The following PTPRT variants were observed in gnomAD, a reference collection of about 807,000 sequenced individuals.
PTPRT encodes the protein protein tyrosine phosphatase receptor type T.
In PTPRT, 56 loss-of-function variants were observed where a neutral mutation model predicts 176.8. The ratio of observed to expected loss-of-function variants is 0.32; its 90% CI spans 0.26 to 0.40. The LOEUF (loss-of-function observed/expected upper bound fraction) is 0.40. PTPRT is among the 10% of genes least tolerant of loss of function. The pLI is 1.00. For missense variants in PTPRT, 1,540 were observed against 1,908.2 expected (o/e 0.81, Z 3.60); for synonymous variants, 783 against 739.0 (o/e 1.06, Z -0.96).
At chr20:42,766,728 G>T (rs1378504431) in intron 5 of PTPRT, among the ~76,000 whole-genome samples, 3 of 152,128 alleles carry the variant, frequency 2.0e-5, no homozygotes, top group Non-Finnish European at 4.4e-5. Context: ...TCTAACCACT[G>T]CCAGAAAGAA....
chr20:42,232,195 T>C (rs1394260323), intron 15 of PTPRT, among the ~76,000 whole-genome samples: 2 of 152,202 alleles, frequency 1.3e-5, no homozygotes, highest in East Asian at 3.9e-4. Flanking sequence ...ACTGATTTCA[T>C]TGAAGAGACT....
intron 8 of PTPRT, among the ~76,000 whole-genome samples, chr20:42,456,831 A>G (rs1044904874): frequency 1.3e-5 from 2 of 152,124 alleles, no homozygotes; most frequent in African/African-American, 4.8e-5. Flanking sequence ...TGAAGGGGGA[A>G]GTGCTTCTTC....
chr20:42,662,438 C>G (rs2075239990), intron 7 of PTPRT, among the ~76,000 whole-genome samples: 1 of 152,116 alleles, frequency 6.6e-6, no homozygotes, highest in African/African-American at 2.4e-5. Context: ...TGGAGCAAAA[C>G]ACTAAATCTC....
intron 7 of PTPRT, among the ~76,000 whole-genome samples, chr20:42,646,155 A>T (rs960115014): frequency 1.5e-5 from 2 of 137,248 alleles, no homozygotes; most frequent in African/African-American, 5.3e-5. Flanking sequence ...TGCTCCAGGC[A>T]ATGCCCTCAA....
chr20:42,153,166 T>C (rs1423072247), intron 17 of PTPRT, among the ~76,000 whole-genome samples: 1 of 152,262 alleles, frequency 6.6e-6, no homozygotes, highest in East Asian at 1.9e-4. Context: ...TTACATGGTG[T>C]GGCAAGACCA....
chr20:42,602,261 G>A lies in PTPRT; in HGVS notation c.1153+75605C>T, dbSNP rs77996089. ...CAGCACATCACCACTTTCCTGCAAA[G>A]TCACAGGCAACAGAGAAACTCCTAA... On this transcript the variant is annotated intron_variant, in intron 7 of 30. Transcript: ENST00000373187. Among the ~76,000 whole-genome samples the A allele has an allele frequency of 3.9e-3, 589 of 152,262 alleles. 5 individuals are homozygous for A. Among genetic ancestry groups the A allele is most frequent in the African/African-American group, 0.013 (553 of 41,532 alleles).
chr20:42,423,433 C>A lies in PTPRT; in HGVS notation c.1560+24787G>T, dbSNP rs376204586. On this transcript the variant is annotated intron_variant, in intron 9 of 30. Coordinates refer to ENST00000373187, the MANE Select transcript of PTPRT (RefSeq NM_007050.6). ...CTTTGCCCACAACCCTTCTAATACA[C>A]CCTCAGTCTGGCCCCAACTCTCTCA... Among the ~76,000 whole-genome samples the A allele has an allele frequency of 3.3e-5, 5 of 152,122 alleles. 1 individual carries two copies. The highest frequency in any genetic ancestry group is 3.9e-4 in the East Asian group (2 of 5,168).
At chr20:42,937,096 C>T (rs192092933) in intron 1 of PTPRT, among the ~76,000 whole-genome samples, 38 of 152,296 alleles carry the variant, frequency 2.5e-4, no homozygotes, top group African/African-American at 7.9e-4. Context: ...CGGCTTTACA[C>T]GTTATGTGCG....
intron 15 of PTPRT, 108 bp from the exon 16 acceptor site, chr20:42,199,496 G>T: frequency 7.9e-7 from 1 of 1,267,964 alleles, no homozygotes; most frequent in Non-Finnish European, 1.1e-6. Context: ...CCCCAAATCT[G>T]GTTCATTCTC....
chr20:43,021,824 A>AAG (rs397697378), intron 1 of PTPRT, among the ~76,000 whole-genome samples: 2 of 150,370 alleles, frequency 1.3e-5, no homozygotes, highest in Admixed American at 1.3e-4. Context: ...AAAAAAAAAA[A>AAG]GGCTACAGGC....
intron 3 of PTPRT, among the ~76,000 whole-genome samples, chr20:42,790,333 C>T (rs1409327544): frequency 6.6e-6 from 1 of 151,470 alleles, no homozygotes; most frequent in Non-Finnish European, 1.5e-5. Context: ...CTGTGTGCAT[C>T]AGTTCGCAAG....
At chr20:42,083,225 CA>C (rs2146101482) in intron 29 of PTPRT, among the ~76,000 whole-genome samples, 1 of 148,558 alleles carries the variant, frequency 6.7e-6, no homozygotes, top group South Asian at 2.2e-4. Flanking sequence ...GCAAGAATAA[CA>C]GCGTCCAAAA....
At chr20:42,227,481 G>A (rs2056040734) in intron 15 of PTPRT, among the ~76,000 whole-genome samples, 1 of 152,030 alleles carries the variant, frequency 6.6e-6, no homozygotes, top group Admixed American at 6.6e-5. Flanking sequence ...TACCGATTGG[G>A]GTCATTAGTT....
intron 12 of PTPRT, among the ~76,000 whole-genome samples, chr20:42,290,291 A>G (rs1044002687): frequency 6.6e-6 from 1 of 152,026 alleles, no homozygotes; most frequent in Non-Finnish European, 1.5e-5. Flanking sequence ...AATCTCACCC[A>G]TGCTCCACTT....
At chr20:43,047,409 G>C (rs1216716385) in intron 1 of PTPRT, among the ~76,000 whole-genome samples, 2 of 152,124 alleles carry the variant, frequency 1.3e-5, no homozygotes, top group Non-Finnish European at 1.5e-5. Flanking sequence ...TTAGCTTATT[G>C]GGCAAAGTGG....
At chr20:42,767,054 T>C (rs1325137963) in intron 5 of PTPRT, among the ~76,000 whole-genome samples, 1 of 152,152 alleles carries the variant, frequency 6.6e-6, no homozygotes, top group Non-Finnish European at 1.5e-5. Flanking sequence ...TGAAGAAACA[T>C]CTCAGGAGAA....
At chr20:42,117,903 G>C (rs905799692) in intron 21 of PTPRT, among the ~76,000 whole-genome samples, 1 of 152,174 alleles carries the variant, frequency 6.6e-6, no homozygotes, top group Non-Finnish European at 1.5e-5. Flanking sequence ...TTGCAAGTGA[G>C]AAAGGGAAAA....
intron 6 of PTPRT, among the ~76,000 whole-genome samples, chr20:42,684,083 T>C (rs1483564626): frequency 6.6e-6 from 1 of 152,154 alleles, no homozygotes; most frequent in Non-Finnish European, 1.5e-5. Context: ...CTGGGAACGG[T>C]GACTCATTCC....
chr20:42,724,855 C>A (rs1393506501), intron 6 of PTPRT, among the ~76,000 whole-genome samples: 2 of 152,054 alleles, frequency 1.3e-5, no homozygotes, highest in Non-Finnish European at 2.9e-5. Flanking sequence ...ATCCCTGCCT[C>A]CCTCTTTTAT....
Sources: allele counts gnomAD v4.1 joint callset (sites outside exome capture counted in the v4.1 genomes callset), GRCh38; gene constraint gnomAD v4.1.1; transcripts MANE v1.5; gene names NCBI Gene and HGNC (gene_info 2026-07-23, HGNC 2026-07-21).